The following ARHGAP8 variants were observed in gnomAD, a reference collection of about 807,000 sequenced individuals.
ARHGAP8 encodes the protein rho GTPase-activating protein 8.
A neutral mutation model predicts 46.1 loss-of-function variants in ARHGAP8; 62 were observed. The observed-to-expected ratio is 1.34, with a 90% CI of 1.10 to 1.66. The LOEUF is 1.66. Ranked by LOEUF, ARHGAP8 falls within the 40% of genes most tolerant of loss-of-function variation. The pLI, the probability that ARHGAP8 is intolerant of heterozygous loss-of-function variation, is 0.00. For missense variants in ARHGAP8, 923 were observed against 568.4 expected, an observed-to-expected ratio of 1.62 and a Z score of -6.34; for synonymous variants, 375 against 243.1, an observed-to-expected ratio of 1.54 and a Z score of -5.05.
intron 8 of ARHGAP8, among the ~76,000 whole-genome samples, chr22:44,847,127 G>C (rs1347809954): frequency 6.6e-6 from 1 of 152,186 alleles, no homozygotes; most frequent in African/African-American, 2.4e-5. Flanking sequence ...CCTAGGTCCT[G>C]GTGTTCCGGG....
chr22:44,824,446 C>G (rs1930367511), intron 6 of ARHGAP8, among the ~76,000 whole-genome samples: 1 of 152,160 alleles, frequency 6.6e-6, no homozygotes. Flanking sequence ...CCTGCACCAT[C>G]TTGTGTCACT....
chr22:44,860,331 C>T (rs377370893), intron 11 of ARHGAP8, among the ~76,000 whole-genome samples: 69 of 152,262 alleles, frequency 4.5e-4, no homozygotes, highest in East Asian at 5.8e-4. Flanking sequence ...CAAGGTGTGG[C>T]GGGCTGTGCT....
chr22:44,781,226 C>A (rs1041541888), intron 1 of ARHGAP8, among the ~76,000 whole-genome samples: 1 of 149,980 alleles, frequency 6.7e-6, no homozygotes, highest in Non-Finnish European at 1.5e-5. Flanking sequence ...AGGAAGTCTT[C>A]GTGGAATTTT....
Position 44,859,777 on chromosome 22 carries a change from G to A in ARHGAP8, c.924G>A (p.Arg308=), listed in dbSNP as rs554108119. The A allele has an allele frequency of 2.1e-5, 34 of 1,613,984 alleles. No homozygotes were observed. The South Asian group carries it at 3.2e-4, about 15-fold the overall frequency. The change falls in exon 11 of 12, where the codon CGG becomes CGA. Residue 308 remains arginine, a synonymous_variant. Coordinates refer to ENST00000356099, the MANE Select transcript of ARHGAP8 (RefSeq NM_181335.3). ...TCACTGGCTGCCGCCAGATCTTACG[G>A]AGCCTCCCAGAGCACAACTACGTCG... is the stretch of plus-strand genomic sequence containing the variant. ...LRVTGCRQIL[R]SLPEHNYVVL...
At chr22:44,806,255 G>A (rs1186827644) in intron 3 of ARHGAP8, among the ~76,000 whole-genome samples, 2 of 152,204 alleles carry the variant, frequency 1.3e-5, no homozygotes, top group Admixed American at 1.3e-4. Flanking sequence ...GATGACCTTG[G>A]TGAAGTATGC....
chr22:44,837,773 C>T (rs1337134475), intron 7 of ARHGAP8, among the ~76,000 whole-genome samples: 1 of 152,038 alleles, frequency 6.6e-6, no homozygotes, highest in Admixed American at 6.6e-5. Context: ...ATGCCGGGGC[C>T]CTGTTCTTCC....
At chr22:44,810,236 CTT>C (rs58029838) in intron 4 of ARHGAP8, among the ~76,000 whole-genome samples, 2,174 of 98,694 alleles carry the variant, frequency 0.022, 12 homozygotes, top group Non-Finnish European at 0.031. Flanking sequence ...ATATGGCAGC[CTT>C]TTTTTTTTTT....
chr22:44,806,415 C>G (rs933369585), intron 3 of ARHGAP8, among the ~76,000 whole-genome samples: 1 of 152,190 alleles, frequency 6.6e-6, no homozygotes, highest in African/African-American at 2.4e-5. Flanking sequence ...GGGATGGGAG[C>G]AGGCGTGGAT....
chr22:44,859,787 G>C lies in ARHGAP8; in HGVS notation c.934G>C (p.Glu312Gln). The change falls in exon 11 of 12, where the codon GAG becomes CAG. Residue 312 changes from glutamate (E) to glutamine (Q), a missense_variant. By Grantham distance (29) the Glu-to-Gln change is conservative. Coordinates refer to ENST00000356099, the MANE Select transcript of ARHGAP8 (RefSeq NM_181335.3). ...CCGCCAGATCTTACGGAGCCTCCCA[G>C]AGCACAACTACGTCGTCCTCCGCTA... ...GCRQILRSLP[E>Q]HNYVVLRYLM... 3 of 1,614,108 alleles carry C rather than the reference G, an allele frequency of 1.9e-6. No homozygotes were observed. Among genetic ancestry groups the C allele is most frequent in the Middle Eastern group, 1.6e-4 (1 of 6,062 alleles).
At chr22:44,846,460 C>G (rs1395508625) in intron 8 of ARHGAP8, among the ~76,000 whole-genome samples, 1 of 152,150 alleles carries the variant, frequency 6.6e-6, no homozygotes, top group Admixed American at 6.5e-5. Flanking sequence ...ATGTGCTGGG[C>G]GGGGGCCTGG....
At chr22:44,818,958 C>T (rs575134886) in intron 5 of ARHGAP8, among the ~76,000 whole-genome samples, 9 of 152,288 alleles carry the variant, frequency 5.9e-5, no homozygotes, top group East Asian at 1.9e-4. Context: ...CTCAGCCTCT[C>T]AAAGTGTTGG....
chr22:44,809,226 A>G (rs769525388), intron 4 of ARHGAP8: 2 of 461,058 alleles, frequency 4.3e-6, no homozygotes, highest in Non-Finnish European at 9.1e-6. Context: ...AACATTATGG[A>G]CGCTGAAATG....
intron 11 of ARHGAP8, among the ~76,000 whole-genome samples, chr22:44,862,036 C>T (rs115480501): frequency 0.012 from 1,857 of 152,286 alleles, 39 homozygotes; most frequent in African/African-American, 0.042. Context: ...GAGGCTGTCA[C>T]AGAAGGTCAG....
intron 7 of ARHGAP8, among the ~76,000 whole-genome samples, chr22:44,827,445 C>T (rs1235743708): frequency 1.4e-5 from 2 of 141,684 alleles, no homozygotes; most frequent in African/African-American, 5.2e-5. Context: ...CAGGTTCAAG[C>T]AATTCTCCTG....
chr22:44,756,571 C>T (rs1197264282), intron 1 of ARHGAP8, among the ~76,000 whole-genome samples: 1 of 143,608 alleles, frequency 7.0e-6, no homozygotes, highest in Non-Finnish European at 1.5e-5. Context: ...CTGTGCTCAC[C>T]CCACACCCCG....
chr22:44,842,231 C>A (rs1931699806), intron 7 of ARHGAP8, among the ~76,000 whole-genome samples: 2 of 152,154 alleles, frequency 1.3e-5, no homozygotes, highest in African/African-American at 4.8e-5. Context: ...GTGGTGCGTG[C>A]CTGTAGTCCC....
chr22:44,784,868 G>A (rs1927100514), intron 1 of ARHGAP8, among the ~76,000 whole-genome samples: 1 of 152,178 alleles, frequency 6.6e-6, no homozygotes, highest in Admixed American at 6.5e-5. Context: ...ATGCATATTT[G>A]TTGACTGACT....
At position 44,840,524 on chromosome 22, in the gene ARHGAP8, G is replaced by A. The variant is rs114603670; in HGVS notation, c.597-4745G>A. 1.6e-3 allele frequency among the ~76,000 whole-genome samples: 247 copies of A among 152,230 alleles called. 1 individual carries two copies. The highest frequency in any genetic ancestry group is 0.01 in the Middle Eastern group (3 of 294). ...AGTCTATTCCGGTTGCTATGACAAAGTACCATAAACAGAGTGGTTTATAAA... is the reference window on the plus strand; with the variant it reads ...AGTCTATTCCGGTTGCTATGACAAAATACCATAAACAGAGTGGTTTATAAA... On this transcript the variant is annotated intron_variant, in intron 7 of 11. Transcript: ENST00000356099.
intron 7 of ARHGAP8, among the ~76,000 whole-genome samples, chr22:44,836,154 G>A (rs1470486708): frequency 6.6e-6 from 1 of 152,096 alleles, no homozygotes; most frequent in Non-Finnish European, 1.5e-5. Context: ...GTGCCTTGTT[G>A]CCACCTTTCA....
Sources: allele counts gnomAD v4.1 joint callset (sites outside exome capture counted in the v4.1 genomes callset), GRCh38; gene constraint gnomAD v4.1.1; transcripts MANE v1.5; gene names NCBI Gene and HGNC (gene_info 2026-07-23, HGNC 2026-07-21).